LRIT3: variants seen among roughly 807,000 people sequenced by gnomAD.
The protein encoded by LRIT3 is leucine-rich repeat, immunoglobulin-like domain and transmembrane domain-containing protein 3.
A neutral mutation model predicts 22.6 loss-of-function variants in LRIT3; 14 were observed. The observed-to-expected ratio is 0.62, with a 90% CI of 0.41 to 0.97. The LOEUF is 0.97. Among genes scored for constraint, LRIT3 ranks in the 50% least tolerant of loss-of-function variants. The pLI, the probability that LRIT3 is intolerant of heterozygous loss-of-function variation, is 0.00. For synonymous variants in LRIT3, 306 were observed against 304.5 expected, an observed-to-expected ratio of 1.01 and a Z score of -0.05; for missense variants, 783 against 803.0, an observed-to-expected ratio of 0.98 and a Z score of 0.30.
rs1734190125 is a variant in LRIT3, at chr4:109,850,397, TCCTTCCTTC to T, written c.117-1105_117-1097del. On this transcript the variant is annotated intron_variant, in intron 1 of 3. Transcript: ENST00000594814. ...TTCCTTCCTTCCTTCCTTCCTTCCT[TCCTTCCTTC>T]CTTCCTTCCTTCCTTCCTTTCTTTC... 9.1e-3 allele frequency among the ~76,000 whole-genome samples: 9 copies of T among 988 alleles called. 1 individual carries two copies. Among genetic ancestry groups the T allele is most frequent in the Non-Finnish European group, 0.015 (5 of 336 alleles). The allele number at this position is 988 out of a possible 152,430, so 0.6% of individuals were successfully genotyped here. A position where few individuals can be genotyped will look rare whatever the true frequency, so the allele number is the denominator to read the frequency against.
intron 1 of LRIT3, among the ~76,000 whole-genome samples, chr4:109,850,508 G>A (rs535832570): frequency 7.3e-4 from 100 of 137,454 alleles, no homozygotes; most frequent in African/African-American, 2.2e-3. Flanking sequence ...ATGGAGTCTC[G>A]CTCTGTCACC....
Position 109,870,506 on chromosome 4 carries a change from T to C in LRIT3, c.1757T>C (p.Val586Ala). ...GATTCTCAATGGTCTCTCCTTCTCGTGGTGACCAGTACTGCCTGTGTTGTT... is the reference window on the plus strand; with the variant it reads ...GATTCTCAATGGTCTCTCCTTCTCGCGGTGACCAGTACTGCCTGTGTTGTT... ...GDDSQWSLLL[V>A]VTSTACVVIL... Residue 586 changes from valine (V) to alanine (A), a missense_variant, in exon 4 of 4, where the codon GTG becomes GCG. Physicochemically the swap from Val to Ala is moderately conservative, Grantham distance 64. Around this residue, in one of 2 missense-constraint regions of LRIT3, gnomAD observed 756 missense variants for 753.8 expected, o/e 1.00. Coordinates refer to ENST00000594814, the MANE Select transcript of LRIT3 (RefSeq NM_198506.5). The C allele has an allele frequency of 6.2e-7, 1 of 1,614,144 alleles. No homozygotes were observed. Among genetic ancestry groups the C allele is most frequent in the Non-Finnish European group, 8.5e-7 (1 of 1,180,044 alleles).
At chr4:109,861,773 AG>A (rs1366004736) in intron 2 of LRIT3, among the ~76,000 whole-genome samples, 1 of 152,170 alleles carries the variant, frequency 6.6e-6, no homozygotes, top group African/African-American at 2.4e-5. Flanking sequence ...TAGTAAAAAA[AG>A]GTTTACATTT....
At chr4:109,868,747 A>G (rs556713817) in intron 3 of LRIT3, among the ~76,000 whole-genome samples, 9 of 152,246 alleles carry the variant, frequency 5.9e-5, no homozygotes, top group Non-Finnish European at 1.2e-4. Flanking sequence ...CAAGAGTGAT[A>G]TTCTGACAAT....
intron 1 of LRIT3, among the ~76,000 whole-genome samples, chr4:109,849,013 C>T (rs140752504): frequency 6.6e-6 from 1 of 152,100 alleles, no homozygotes; most frequent in Non-Finnish European, 1.5e-5. Context: ...TAGCTAAACA[C>T]AGTAGAACTT....
At chr4:109,859,708 T>C (rs1369635524) in intron 2 of LRIT3, among the ~76,000 whole-genome samples, 1 of 152,188 alleles carries the variant, frequency 6.6e-6, no homozygotes, top group Non-Finnish European at 1.5e-5. Flanking sequence ...TTCCCAGAGC[T>C]ATGAACATCT....
At chr4:109,857,455 A>G (rs895073631) in intron 2 of LRIT3, among the ~76,000 whole-genome samples, 18 of 152,172 alleles carry the variant, frequency 1.2e-4, no homozygotes, top group African/African-American at 4.1e-4. Flanking sequence ...TCAAGGTGAC[A>G]AGGTGGATTT....
chr4:109,851,359 CCCT>C lies in LRIT3; in HGVS notation c.117-140_117-138del, dbSNP rs977773525. The C allele has an allele frequency of 2.6e-6, 3 of 1,132,668 alleles. No homozygotes were observed. The African/African-American group carries it at 4.7e-5, about 18-fold the overall frequency. The allele number at this position is 1,132,668 out of a possible 1,614,324, so 70.2% of individuals were successfully genotyped here. A position where few individuals can be genotyped will look rare whatever the true frequency, so the allele number is the denominator to read the frequency against. ...GACCTTGGTTAGATTTGAACCAAGGCCCTCCTCGGCCTCCCAAAGTGCTGGGAT... is the reference window on the plus strand; with the variant it reads ...GACCTTGGTTAGATTTGAACCAAGGCCCTCGGCCTCCCAAAGTGCTGGGAT... On this transcript the variant is annotated intron_variant, in intron 1 of 3. Coordinates refer to ENST00000594814, the MANE Select transcript of LRIT3 (RefSeq NM_198506.5).
intron 1 of LRIT3, among the ~76,000 whole-genome samples, chr4:109,850,258 ATGAGT>A (rs1476027834): frequency 5.9e-5 from 9 of 152,116 alleles, no homozygotes; most frequent in Non-Finnish European, 1.3e-4. Flanking sequence ...CATAATTCAG[ATGAGT>A]ATCTCATAGG....
At chr4:109,849,151 CAAAT>C (rs1382844182) in intron 1 of LRIT3, among the ~76,000 whole-genome samples, 1 of 151,940 alleles carries the variant, frequency 6.6e-6, no homozygotes, top group Non-Finnish European at 1.5e-5. Context: ...TAACTTTAAA[CAAAT>C]AAATAATAAT....
chr4:109,861,183 A>G (rs1734536292), intron 2 of LRIT3, among the ~76,000 whole-genome samples: 1 of 152,138 alleles, frequency 6.6e-6, no homozygotes, highest in South Asian at 2.1e-4. Flanking sequence ...AGCCTGGTCA[A>G]TGTGGCGAAA....
At chr4:109,854,858 T>C (rs534311793) in intron 2 of LRIT3, among the ~76,000 whole-genome samples, 5 of 152,340 alleles carry the variant, frequency 3.3e-5, no homozygotes, top group African/African-American at 1.2e-4. Flanking sequence ...GTTCTGTTTA[T>C]GTGATGGATT....
intron 1 of LRIT3, 141 bp from the exon 2 acceptor site, chr4:109,851,363 C>G: frequency 8.4e-7 from 1 of 1,195,316 alleles, no homozygotes. Flanking sequence ...CCAAGGCCCT[C>G]CTCGGCCTCC....
chr4:109,866,497 A>G (rs1734684082), intron 2 of LRIT3, among the ~76,000 whole-genome samples: 1 of 152,192 alleles, frequency 6.6e-6, no homozygotes, highest in South Asian at 2.1e-4. Flanking sequence ...ATAAGAAACA[A>G]TTTTTTAATT....
At chr4:109,849,720 C>G (rs1373550419) in intron 1 of LRIT3, among the ~76,000 whole-genome samples, 2 of 152,226 alleles carry the variant, frequency 1.3e-5, no homozygotes, top group Non-Finnish European at 2.9e-5. Context: ...TCAAGCAATT[C>G]TCCTGCCTCA....
intron 2 of LRIT3, among the ~76,000 whole-genome samples, chr4:109,853,937 T>A (rs774106158): frequency 3.9e-5 from 6 of 152,212 alleles, no homozygotes; most frequent in Non-Finnish European, 8.8e-5. Context: ...TCTGTTCCAT[T>A]TGTCTATATA....
intron 2 of LRIT3, among the ~76,000 whole-genome samples, chr4:109,866,932 A>G (rs928840476): frequency 1.3e-5 from 2 of 152,194 alleles, no homozygotes; most frequent in Admixed American, 6.5e-5. Context: ...CTTCATGGTC[A>G]CCATATATGA....
chr4:109,856,120 T>G (rs1734394785), intron 2 of LRIT3, among the ~76,000 whole-genome samples: 1 of 152,188 alleles, frequency 6.6e-6, no homozygotes, highest in Admixed American at 6.6e-5. Context: ...CATCCATTCA[T>G]AGGCTCTCTG....
intron 1 of LRIT3, among the ~76,000 whole-genome samples, chr4:109,850,419 C>T (rs866011316): frequency 0.027 from 450 of 16,630 alleles, 8 homozygotes; most frequent in African/African-American, 0.046. Flanking sequence ...TCCTTCCTTC[C>T]TTCCTTTCTT....
Sources: gnomAD v4.1 joint callset for allele counts (sites outside exome capture counted in the v4.1 genomes callset) on GRCh38, gnomAD v4.1.1 for gene constraint, gnomAD v4.1.1 regional missense constraint, MANE v1.5 for transcripts, NCBI Gene and HGNC (gene_info 2026-07-23, HGNC 2026-07-21) for gene names.